CCSER2: variants seen among roughly 807,000 people sequenced by gnomAD.
The protein encoded by CCSER2 is serine-rich coiled-coil domain-containing protein 2.
Under a neutral mutation model 92.3 loss-of-function variants are expected in CCSER2, and 46 were observed. The ratio of observed to expected loss-of-function variants is 0.50; its 90% CI spans 0.39 to 0.64. The LOEUF is 0.64. Ranked by LOEUF, CCSER2 falls within the 30% of genes least tolerant of loss-of-function variation. The pLI is 0.00. For synonymous variants in CCSER2, 433 were observed against 431.4 expected, an observed-to-expected ratio of 1.00 and a Z score of -0.04; for missense variants, 1,244 against 1,238.9, an observed-to-expected ratio of 1.00 and a Z score of -0.06.
intron 9 of CCSER2, among the ~76,000 whole-genome samples, chr10:84,501,861 T>TATATA (rs1848771175): frequency 1.4e-5 from 1 of 69,980 alleles, no homozygotes; most frequent in Non-Finnish European, 3.7e-5. Flanking sequence ...ATATATATAC[T>TATATA]CATATATATA....
rs1456254305 is a variant in CCSER2, at chr10:84,361,374, C to T, written c.-39-9640C>T. ...TGACTTGCTTGCCTTACAATAACAG[C>T]TTTCTGATGGGCTTATGAAAGGTTA... On this transcript the variant is annotated intron_variant, in intron 1 of 9. Coordinates refer to ENST00000372088, the MANE Select transcript of CCSER2 (RefSeq NM_001284240.2). Among the ~76,000 whole-genome samples, 3 of 152,184 alleles carry T rather than the reference C, an allele frequency of 2.0e-5. No homozygotes were observed. The East Asian group carries it at 5.8e-4, about 29-fold the overall frequency.
intron 1 of CCSER2, among the ~76,000 whole-genome samples, chr10:84,347,242 T>C (rs1844541483): frequency 6.6e-6 from 1 of 152,248 alleles, no homozygotes; most frequent in South Asian, 2.1e-4. Flanking sequence ...CCCCCTTTTC[T>C]ATTTGACAAA....
At chr10:84,511,053 C>T (rs1037067393) in intron 9 of CCSER2, among the ~76,000 whole-genome samples, 2 of 151,904 alleles carry the variant, frequency 1.3e-5, no homozygotes, top group East Asian at 1.9e-4. Context: ...AATTTTATTT[C>T]GCATATAGAA....
intron 1 of CCSER2, among the ~76,000 whole-genome samples, chr10:84,329,713 G>A (rs1843456278): frequency 6.6e-6 from 1 of 152,090 alleles, no homozygotes; most frequent in Non-Finnish European, 1.5e-5. Flanking sequence ...TTAACCAAAA[G>A]GAACTTAAGA....
At chr10:84,341,692 A>G (rs1161972112) in intron 1 of CCSER2, among the ~76,000 whole-genome samples, 1 of 152,012 alleles carries the variant, frequency 6.6e-6, no homozygotes, top group African/African-American at 2.4e-5. Context: ...CTTCAGATGC[A>G]TGCTCCAGGT....
rs1208461100 is a variant in CCSER2, at chr10:84,457,614, AATTATATATTTATAT to A, written c.2065-6309_2065-6295del. Among the ~76,000 whole-genome samples, 33 of 89,332 alleles carry A rather than the reference AATTATATATTTATAT, an allele frequency of 3.7e-4. No homozygotes were observed. In the East Asian group the frequency reaches 4.9e-3, roughly 13 times the overall value. The allele number at this position is 89,332 out of a possible 152,430, so 58.6% of individuals were successfully genotyped here. On this transcript the variant is annotated intron_variant, in intron 6 of 9. Transcript: ENST00000372088. The stretch of plus-strand genomic sequence containing the variant: ...AATTATATATTTATATATTATATAT[AATTATATATTTATAT>A]ATTATATATAATTATATATAATTAT...
At chr10:84,336,195 C>T (rs1843827031) in intron 1 of CCSER2, among the ~76,000 whole-genome samples, 1 of 152,082 alleles carries the variant, frequency 6.6e-6, no homozygotes, top group South Asian at 2.1e-4. Context: ...TTCTAAATTC[C>T]TTCAATCCTG....
chr10:84,496,584 C>T (rs913806638), intron 9 of CCSER2, among the ~76,000 whole-genome samples: 5 of 152,248 alleles, frequency 3.3e-5, no homozygotes, highest in African/African-American at 9.6e-5. Flanking sequence ...CGCGCCCGGC[C>T]TTCCCAGTCC....
At chr10:84,470,807 C>T (rs1371163215) in intron 8 of CCSER2, among the ~76,000 whole-genome samples, 1 of 152,024 alleles carries the variant, frequency 6.6e-6, no homozygotes, top group Non-Finnish European at 1.5e-5. Context: ...TTTTCTCTCT[C>T]TGTGAGCAGA....
chr10:84,438,633 A>G lies in CCSER2; in HGVS notation c.1990A>G (p.Thr664Ala), dbSNP rs1844333790. Residue 664 changes from threonine (T) to alanine (A), a missense_variant, in exon 6 of 10, where the codon ACC (threonine) becomes GCC (alanine). Physicochemically the swap from Thr to Ala is moderately conservative, Grantham distance 58. Coordinates refer to ENST00000372088, the MANE Select transcript of CCSER2 (RefSeq NM_001284240.2). ...PENTVILDEM[T>A]LRHMVQDCTA... Reference sequence around the variant, plus strand: ...AAATACAGTGATACTGGATGAGATGACCCTTCGGCACATGGTTCAGGATTG... The same window carrying G: ...AAATACAGTGATACTGGATGAGATGGCCCTTCGGCACATGGTTCAGGATTG... 7 of 1,613,822 alleles carry G rather than the reference A, an allele frequency of 4.3e-6. No homozygotes were observed. The highest frequency in any genetic ancestry group is 5.9e-6 in the Non-Finnish European group (7 of 1,179,766).
chr10:84,491,526 G>C (rs1259916514), intron 9 of CCSER2, among the ~76,000 whole-genome samples: 5 of 152,180 alleles, frequency 3.3e-5, no homozygotes, highest in Non-Finnish European at 7.3e-5. Context: ...CATGGGCGTG[G>C]GACCCTCCGA....
At chr10:84,414,127 G>A (rs1328177249) in intron 3 of CCSER2, among the ~76,000 whole-genome samples, 2 of 152,052 alleles carry the variant, frequency 1.3e-5, no homozygotes, top group Non-Finnish European at 2.9e-5. Context: ...CTTTTAATTG[G>A]GGCATTTAGC....
At chr10:84,435,638 CAAAAAA>C (rs5786657) in intron 5 of CCSER2, among the ~76,000 whole-genome samples, 2 of 106,834 alleles carry the variant, frequency 1.9e-5, no homozygotes, top group Non-Finnish European at 1.9e-5. Context: ...CCATTCAGTG[CAAAAAA>C]AAAAAAAAAA....
chr10:84,438,604 C>G lies in CCSER2; in HGVS notation c.1961C>G (p.Pro654Arg). 1.2e-6 allele frequency: 2 copies of G among 1,613,110 alleles called. No individual in the cohort carries two copies. The highest frequency in any genetic ancestry group is 1.7e-6 in the Non-Finnish European group (2 of 1,179,254). ...FQAQKMFVDV[P>R]ENTVILDEMT... ...GCTCAGAAGATGTTTGTTGATGTAC[C>G]AGAAAATACAGTGATACTGGATGAG... The change falls in exon 6 of 10, where the codon CCA becomes CGA. Residue 654 changes from proline (P) to arginine (R), a missense_variant. Physicochemically the swap from Pro to Arg is moderately radical, Grantham distance 103. Coordinates refer to ENST00000372088, the MANE Select transcript of CCSER2 (RefSeq NM_001284240.2).
intron 1 of CCSER2, among the ~76,000 whole-genome samples, chr10:84,355,751 G>A (rs1845132991): frequency 6.6e-6 from 1 of 152,148 alleles, no homozygotes; most frequent in Admixed American, 6.5e-5. Context: ...GCTGCTTATG[G>A]CAAGTACTGT....
In CCSER2 at chr10:84,513,905, T is replaced by C. The variant is rs1564740622; in HGVS notation, c.2782T>C (p.Leu928=). 1 of 1,536,546 alleles carries C rather than the reference T, an allele frequency of 6.5e-7. No individual in the cohort carries two copies. The highest frequency in any genetic ancestry group is 1.2e-5 in the South Asian group (1 of 84,066). ...CTTGCAGCTTTTAAAGCCATCCATA[T>C]TGAGTTCTTTGGTACCGCCTCCAGT... ...KSLQLLKPSI[L]SSLVPPPVSE... is the part of the protein sequence containing the mutation. The change falls in exon 10 of 10, where the codon TTG becomes CTG. Residue 928 remains leucine, a synonymous_variant. Transcript: ENST00000372088.
At chr10:84,486,743 T>C (rs1486086599) in intron 9 of CCSER2, among the ~76,000 whole-genome samples, 1 of 152,248 alleles carries the variant, frequency 6.6e-6, no homozygotes, top group Non-Finnish European at 1.5e-5. Flanking sequence ...AGCTCTTTAG[T>C]TTAATTAGAT....
At position 84,455,857 on chromosome 10, in the gene CCSER2, G is replaced by T. The variant is rs964851509; in HGVS notation, c.2065-8076G>T. 4 of 745,698 alleles carry T rather than the reference G, an allele frequency of 5.4e-6. No homozygotes were observed. In the African/African-American group the frequency reaches 6.9e-5, roughly 13 times the overall value. The allele number at this position is 745,698 out of a possible 1,614,324, so 46.2% of individuals were successfully genotyped here. A position where few individuals can be genotyped will look rare whatever the true frequency, so the allele number is the denominator to read the frequency against. On this transcript the variant is annotated intron_variant, in intron 6 of 9. Transcript: ENST00000372088. ...TTTTCACTGTATATCCCATTGTAACGGGAGCAACCACAGCATCTGGCTTTT... is the reference window on the plus strand; with the variant it reads ...TTTTCACTGTATATCCCATTGTAACTGGAGCAACCACAGCATCTGGCTTTT...
chr10:84,333,912 C>T (rs1003140481), intron 1 of CCSER2, among the ~76,000 whole-genome samples: 1 of 152,140 alleles, frequency 6.6e-6, no homozygotes, highest in African/African-American at 2.4e-5. Flanking sequence ...ATCTGTCTCC[C>T]CCACTGGATT....
Sources: gnomAD v4.1 joint callset for allele counts (sites outside exome capture counted in the v4.1 genomes callset) on GRCh38, gnomAD v4.1.1 for gene constraint, MANE v1.5 for transcripts, NCBI Gene and HGNC (gene_info 2026-07-23, HGNC 2026-07-21) for gene names.